FRMD4A: variants seen among roughly 807,000 people sequenced by gnomAD.
FRMD4A encodes the protein FERM domain-containing protein 4A.
FRMD4A carries 29 observed loss-of-function variants against 129.1 expected under a neutral mutation model. The ratio of observed to expected loss-of-function variants is 0.22; its 90% CI spans 0.17 to 0.31. The LOEUF is 0.31. Among genes scored for constraint, FRMD4A ranks in the 10% least tolerant of loss-of-function variants. FRMD4A has a pLI of 1.00. For synonymous variants in FRMD4A, 634 were observed against 571.6 expected, an observed-to-expected ratio of 1.11 and a Z score of -1.56; for missense variants, 1,272 against 1,375.8, an observed-to-expected ratio of 0.92 and a Z score of 1.19.
intron 2 of FRMD4A, among the ~76,000 whole-genome samples, chr10:13,873,570 G>A (rs945099694): frequency 1.3e-5 from 2 of 152,112 alleles, no homozygotes; most frequent in Non-Finnish European, 2.9e-5. Context: ...TTTTTGAGAC[G>A]GAGTCTCGCT....
At chr10:14,130,999 T>C (rs1319833763) in intron 2 of FRMD4A, among the ~76,000 whole-genome samples, 2 of 152,184 alleles carry the variant, frequency 1.3e-5, no homozygotes, top group Non-Finnish European at 2.9e-5. Flanking sequence ...TTTGCATGCC[T>C]GACACCAGGA....
intron 2 of FRMD4A, among the ~76,000 whole-genome samples, chr10:13,967,393 A>T (rs898673384): frequency 1.3e-5 from 2 of 152,080 alleles, no homozygotes; most frequent in Admixed American, 6.5e-5. Context: ...AAAGGGTGGG[A>T]AGTAGGTGAA....
intron 2 of FRMD4A, among the ~76,000 whole-genome samples, chr10:14,162,770 T>A (rs1331014437): frequency 6.6e-6 from 1 of 151,692 alleles, no homozygotes; most frequent in East Asian, 1.9e-4. Flanking sequence ...GGACACTAGG[T>A]CAAGCTATGC....
intron 2 of FRMD4A, among the ~76,000 whole-genome samples, chr10:13,869,029 G>A (rs1161423129): frequency 3.3e-5 from 5 of 152,162 alleles, no homozygotes; most frequent in Non-Finnish European, 5.9e-5. Context: ...TTTTACTTGC[G>A]GATCTTTGGA....
At chr10:14,010,664 C>CTTTTTTTTTTTTTTTTTTTTTTT (rs779471389) in intron 2 of FRMD4A, among the ~76,000 whole-genome samples, 1 of 76,428 alleles carries the variant, frequency 1.3e-5, no homozygotes, top group Non-Finnish European at 2.4e-5. Flanking sequence ...GAGTTTAGGT[C>CTTTTTTTTTTTTTTTTTTTTTTT]TTTTTTTTTT....
intron 15 of FRMD4A, among the ~76,000 whole-genome samples, chr10:13,677,610 C>T (rs1025361883): frequency 6.6e-6 from 1 of 152,162 alleles, no homozygotes; most frequent in African/African-American, 2.4e-5. Context: ...TTGCAGGTTC[C>T]CCTTTTTGAA....
chr10:13,970,193 G>A (rs1405254008), intron 2 of FRMD4A, among the ~76,000 whole-genome samples: 1 of 152,154 alleles, frequency 6.6e-6, no homozygotes, highest in African/African-American at 2.4e-5. Context: ...TATGATCTAT[G>A]ACAGACACAC....
At chr10:13,950,513 T>A (rs1171250908) in intron 2 of FRMD4A, among the ~76,000 whole-genome samples, 3 of 152,090 alleles carry the variant, frequency 2.0e-5, no homozygotes. Context: ...TGTAAATAAT[T>A]GTAAAAAAAT....
rs1046619921 is a variant in FRMD4A at position 13,695,718 on chromosome 10, G to A, written c.976-1679C>T. On this transcript the variant is annotated intron_variant, in intron 14 of 24. Transcript: ENST00000357447. The stretch of plus-strand genomic sequence containing the variant: ...GTTCACCATTGTAGCTTCCTGCCTG[G>A]CCTGTGGAACCCAAGGTCTTTCCCA... Among the ~76,000 whole-genome samples the A allele has an allele frequency of 5.9e-5, 9 of 152,324 alleles. 1 individual carries two copies. The highest frequency in any genetic ancestry group is 6.8e-3 in the Middle Eastern group (2 of 294).
chr10:13,798,136 C>T (rs112695897), intron 4 of FRMD4A, among the ~76,000 whole-genome samples: 3,519 of 152,252 alleles, frequency 0.023, 150 homozygotes, highest in African/African-American at 0.081. Flanking sequence ...AAGGGTTGGG[C>T]GCAGTGGCTC....
chr10:14,224,149 T>C (rs1843359043), intron 2 of FRMD4A, among the ~76,000 whole-genome samples: 1 of 152,168 alleles, frequency 6.6e-6, no homozygotes, highest in Non-Finnish European at 1.5e-5. Context: ...AATCCGTGCC[T>C]CTTCTCTGCC....
At chr10:14,137,543 C>T (rs887367596) in intron 2 of FRMD4A, among the ~76,000 whole-genome samples, 1 of 152,076 alleles carries the variant, frequency 6.6e-6, no homozygotes, top group African/African-American at 2.4e-5. Context: ...TAATTGTTGG[C>T]TAATATGAGT....
chr10:14,217,148 A>G (rs1843100613), intron 2 of FRMD4A, among the ~76,000 whole-genome samples: 1 of 152,218 alleles, frequency 6.6e-6, no homozygotes, highest in Non-Finnish European at 1.5e-5. Context: ...AATGTTTCCA[A>G]ATAAATATGC....
At chr10:14,215,628 C>T (rs149096616) in intron 2 of FRMD4A, among the ~76,000 whole-genome samples, 6 of 152,094 alleles carry the variant, frequency 3.9e-5, no homozygotes, top group East Asian at 1.9e-4. Context: ...AATTCCCCAC[C>T]GAATACGGTG....
chr10:13,994,977 G>A (rs1340326366), intron 2 of FRMD4A, among the ~76,000 whole-genome samples: 1 of 152,228 alleles, frequency 6.6e-6, no homozygotes, highest in Non-Finnish European at 1.5e-5. Flanking sequence ...GTGAACAGGA[G>A]CGCAGCCACA....
chr10:13,823,447 C>A (rs2093657748), intron 3 of FRMD4A, among the ~76,000 whole-genome samples: 1 of 152,222 alleles, frequency 6.6e-6, no homozygotes, highest in Non-Finnish European at 1.5e-5. Flanking sequence ...CAGTGCTCAA[C>A]CTGCCTCTGC....
At chr10:14,275,182 T>C (rs867299261) in intron 2 of FRMD4A, among the ~76,000 whole-genome samples, 1 of 152,310 alleles carries the variant, frequency 6.6e-6, no homozygotes, top group African/African-American at 2.4e-5. Flanking sequence ...ATGGAGACCA[T>C]ACAGGAAGCC....
chr10:14,222,628 C>A (rs1369681884), intron 2 of FRMD4A, among the ~76,000 whole-genome samples: 1 of 152,180 alleles, frequency 6.6e-6, no homozygotes, highest in Non-Finnish European at 1.5e-5. Flanking sequence ...TCATATATGA[C>A]CCCGTCCCAC....
At position 13,714,025 on chromosome 10, in the gene FRMD4A, TAC is replaced by T. The variant is rs1491437328; in HGVS notation, c.760-6914_760-6913del. 2.1e-4 allele frequency among the ~76,000 whole-genome samples: 9 copies of T among 42,574 alleles called. 4 individuals are homozygous for T. Among genetic ancestry groups the T allele is most frequent in the African/African-American group, 7.9e-4 (9 of 11,376 alleles). The allele number at this position is 42,574 out of a possible 152,430, so 27.9% of individuals were successfully genotyped here. The stretch of plus-strand genomic sequence containing the variant: ...ATATATAATATACATATATAAAATA[TAC>T]ATATATATATATATATATATATATA... On this transcript the variant is annotated intron_variant, in intron 12 of 24. Coordinates refer to ENST00000357447, the MANE Select transcript of FRMD4A (RefSeq NM_018027.5).
Sources: allele counts gnomAD v4.1 joint callset (sites outside exome capture counted in the v4.1 genomes callset), GRCh38; gene constraint gnomAD v4.1.1; transcripts MANE v1.5; gene names NCBI Gene and HGNC (gene_info 2026-07-23, HGNC 2026-07-21).